RGS7: variants seen among roughly 807,000 people sequenced by gnomAD.
The protein encoded by RGS7 is regulator of G protein signaling 7.
Under a neutral mutation model 81.1 loss-of-function variants are expected in RGS7, and 27 were observed. The observed-to-expected ratio is 0.33, with a 90% CI of 0.25 to 0.46. The LOEUF (loss-of-function observed/expected upper bound fraction) is 0.46. RGS7 is among the 20% of genes least tolerant of loss of function. The probability of loss-of-function intolerance (pLI) is 1.00; values close to 1 mark genes in which losing one functional copy is unlikely to be tolerated. For synonymous variants in RGS7, 208 were observed against 207.7 expected (o/e 1.00, Z -0.01); for missense variants, 396 against 607.4 (o/e 0.65, Z 3.66).
intron 2 of RGS7, among the ~76,000 whole-genome samples, chr1:241,198,941 T>A (rs2073284608): frequency 6.6e-6 from 1 of 152,126 alleles, no homozygotes; most frequent in Non-Finnish European, 1.5e-5. Context: ...AAATTTGTGC[T>A]AACCAAATCC....
intron 4 of RGS7, among the ~76,000 whole-genome samples, chr1:240,977,990 T>C (rs1207244971): frequency 2.6e-5 from 4 of 152,198 alleles, no homozygotes; most frequent in Non-Finnish European, 4.4e-5. Flanking sequence ...AGTGACAACA[T>C]GATATCATGG....
chr1:240,988,062 T>C (rs1454522475), intron 3 of RGS7, among the ~76,000 whole-genome samples: 1 of 152,032 alleles, frequency 6.6e-6, no homozygotes, highest in Non-Finnish European at 1.5e-5. Context: ...GTCAGTCCCT[T>C]GAGAGAAGAA....
intron 2 of RGS7, among the ~76,000 whole-genome samples, chr1:241,330,762 G>T (rs999191613): frequency 5.3e-5 from 8 of 152,166 alleles, no homozygotes; most frequent in Non-Finnish European, 1.0e-4. Context: ...TTTCTCAACA[G>T]ACTCTGGGGA....
rs981375509 is a variant in RGS7, at chr1:240,868,236, T to A, written c.609+351A>T. ...GAGGGAAGGAAAATCAGGGCAGGAATAACACTTGTACTATGAAGCCAGAAA... is the reference window on the plus strand; with the variant it reads ...GAGGGAAGGAAAATCAGGGCAGGAAAAACACTTGTACTATGAAGCCAGAAA... On this transcript the variant is annotated intron_variant, in intron 9 of 18. Coordinates refer to ENST00000440928, the MANE Select transcript of RGS7 (RefSeq NM_001364886.1). The surrounding 1 kb of genome is among the most constrained non-coding windows in gnomAD (Gnocchi z 5.1). 6.6e-6 allele frequency among the ~76,000 whole-genome samples: 1 copy of A among 151,900 alleles called. No homozygotes were observed. Among genetic ancestry groups the A allele is most frequent in the African/African-American group, 2.4e-5 (1 of 41,358 alleles).
At chr1:240,789,529 T>C (rs1685624105) in intron 18 of RGS7, among the ~76,000 whole-genome samples, 2 of 152,220 alleles carry the variant, frequency 1.3e-5, no homozygotes, top group Non-Finnish European at 2.9e-5. Context: ...GGAACATCCC[T>C]GAGAAACAGA....
At chr1:241,010,097 C>T (rs955856243) in intron 3 of RGS7, among the ~76,000 whole-genome samples, 18 of 152,014 alleles carry the variant, frequency 1.2e-4, no homozygotes, top group African/African-American at 1.7e-4. Flanking sequence ...GACTAGTTGA[C>T]GGGTGCAGAA....
At chr1:241,161,409 ATAAC>A (rs930766360) in intron 2 of RGS7, among the ~76,000 whole-genome samples, 3 of 151,476 alleles carry the variant, frequency 2.0e-5, no homozygotes, top group African/African-American at 4.8e-5. Flanking sequence ...ATTAATAATA[ATAAC>A]TAATAACACA....
intron 2 of RGS7, among the ~76,000 whole-genome samples, chr1:241,276,531 A>C (rs968174148): frequency 6.6e-6 from 1 of 152,220 alleles, no homozygotes; most frequent in Non-Finnish European, 1.5e-5. Flanking sequence ...AAATGGGTTT[A>C]AGGAGCAACG....
intron 2 of RGS7, among the ~76,000 whole-genome samples, chr1:241,341,903 G>A (rs923659738): frequency 3.0e-4 from 42 of 141,864 alleles, no homozygotes; most frequent in Admixed American, 2.3e-3. Context: ...TTGAGACAGG[G>A]TCTCACTGTC....
At chr1:241,322,088 G>C (rs1276324183) in intron 2 of RGS7, among the ~76,000 whole-genome samples, 1 of 152,028 alleles carries the variant, frequency 6.6e-6, no homozygotes, top group African/African-American at 2.4e-5. Context: ...CTCATCAGAA[G>C]CCCTCCTCTC....
chr1:240,860,690 C>A lies in RGS7; in HGVS notation c.609+7897G>T, dbSNP rs72756803. On this transcript the variant is annotated intron_variant, in intron 9 of 18. Coordinates refer to ENST00000440928, the MANE Select transcript of RGS7 (RefSeq NM_001364886.1). ...GACTACAGGCAAGATAGAAGAAAGA[C>A]AAGAGACCTTCCAAATGAATAACAA... Among the ~76,000 whole-genome samples the A allele has an allele frequency of 8.7e-3, 1,318 of 152,188 alleles. 7 individuals carry two copies. Among genetic ancestry groups the A allele is most frequent in the Admixed American group, 0.012 (182 of 15,284 alleles).
chr1:240,971,510 A>G (rs1683208226), intron 4 of RGS7, among the ~76,000 whole-genome samples: 1 of 152,232 alleles, frequency 6.6e-6, no homozygotes, highest in Non-Finnish European at 1.5e-5. Flanking sequence ...CCCTGTGTAC[A>G]CAACTAGGAA....
chr1:241,151,051 G>T lies in RGS7; in HGVS notation c.79-52289C>A, dbSNP rs1405202527. ...CTTCCACCATTCTTTTTCTATCTGG[G>T]CCCCTAGCTGTTTGCACGGTGTCTG... On this transcript the variant is annotated intron_variant, in intron 2 of 18. Transcript: ENST00000440928. Among the ~76,000 whole-genome samples, 3 of 152,102 alleles carry T rather than the reference G, an allele frequency of 2.0e-5. No homozygotes were observed. The East Asian group carries it at 5.8e-4, about 29-fold the overall frequency.
chr1:241,227,362 T>C (rs2075364510), intron 2 of RGS7, among the ~76,000 whole-genome samples: 2 of 152,052 alleles, frequency 1.3e-5, no homozygotes, highest in African/African-American at 2.4e-5. Context: ...AAAAAGCCTA[T>C]GGCAACAATT....
rs960320524 is a variant in RGS7, at chr1:241,196,588, A to C, written c.79-97826T>G. On this transcript the variant is annotated intron_variant, in intron 2 of 18. Transcript: ENST00000440928. ...AAGATAACAGTGATTAAAATATTTA[A>C]AAGATTAAATAAGGTGATACAATTT... Among the ~76,000 whole-genome samples the C allele has an allele frequency of 3.3e-5, 5 of 152,088 alleles. No individual in the cohort carries two copies. In the East Asian group the frequency reaches 7.7e-4, roughly 23 times the overall value.
At chr1:240,780,996 T>C (rs1365406353) in intron 18 of RGS7, among the ~76,000 whole-genome samples, 1 of 151,836 alleles carries the variant, frequency 6.6e-6, no homozygotes, top group Non-Finnish European at 1.5e-5. Context: ...TTTTTTTATT[T>C]GAACAATGAC....
chr1:241,174,895 G>GTTTTT (rs551122102), intron 2 of RGS7, among the ~76,000 whole-genome samples: 63 of 69,228 alleles, frequency 9.1e-4, no homozygotes, highest in East Asian at 2.1e-3. Flanking sequence ...ACAGAATTTT[G>GTTTTT]TTTTTTTTTT....
intron 9 of RGS7, among the ~76,000 whole-genome samples, chr1:240,865,703 C>A (rs558418852): frequency 7.9e-5 from 12 of 152,286 alleles, no homozygotes; most frequent in Non-Finnish European, 1.6e-4. Flanking sequence ...CTGCAGAATT[C>A]ATTTCTAGGG....
At chr1:241,254,729 CTATT>C (rs1286167851) in intron 2 of RGS7, among the ~76,000 whole-genome samples, 2 of 152,148 alleles carry the variant, frequency 1.3e-5, no homozygotes, top group African/African-American at 4.8e-5. Context: ...AAGATGTCAA[CTATT>C]TATTCTCAGA....
Sources: allele counts gnomAD v4.1 joint callset (sites outside exome capture counted in the v4.1 genomes callset), GRCh38; gene constraint gnomAD v4.1.1; non-coding constraint Gnocchi (gnomAD v3.1); transcripts MANE v1.5; gene names NCBI Gene and HGNC (gene_info 2026-07-23, HGNC 2026-07-21).